KLB: variants seen among roughly 807,000 people sequenced by gnomAD.
KLB encodes klotho beta, also known as beta-klotho.
A neutral mutation model predicts 88.4 loss-of-function variants in KLB; 44 were observed. That is an observed-to-expected ratio of 0.50 (90% CI 0.39 to 0.64). The LOEUF (loss-of-function observed/expected upper bound fraction) is 0.64. KLB is among the 30% of genes least tolerant of loss of function. The pLI is 0.00. For synonymous variants in KLB, 548 were observed against 513.4 expected, an observed-to-expected ratio of 1.07 and a Z score of -0.91; for missense variants, 1,137 against 1,304.8, an observed-to-expected ratio of 0.87 and a Z score of 1.98.
intron 1 of KLB, among the ~76,000 whole-genome samples, chr4:39,425,519 C>A: frequency 6.6e-6 from 1 of 152,190 alleles, no homozygotes; most frequent in East Asian, 1.9e-4. Flanking sequence ...CAGCTCACTA[C>A]AGCCTTGACC....
Position 39,448,747 on chromosome 4 carries a change from T to C in KLB, c.*61T>C, listed in dbSNP as rs1743821408. 2.8e-6 allele frequency: 4 copies of C among 1,454,074 alleles called. No individual in the cohort carries two copies. The highest frequency in any genetic ancestry group is 3.7e-6 in the Non-Finnish European group (4 of 1,074,024). 90.1% of individuals were successfully genotyped at this position (1,454,074 alleles called of 1,614,324 possible). On this transcript the variant is annotated 3_prime_UTR_variant, in exon 5 of 5. Coordinates refer to ENST00000257408, the MANE Select transcript of KLB (RefSeq NM_175737.4). ...CATCCCAGTTCCATATGCTGGTAAC[T>C]TACAGGAGATATACCTGTATTATAG...
At chr4:39,426,018 C>A (rs1416554640) in intron 1 of KLB, among the ~76,000 whole-genome samples, 1 of 150,410 alleles carries the variant, frequency 6.6e-6, no homozygotes, top group South Asian at 2.1e-4. Flanking sequence ...TTTGGGAGGC[C>A]GAGGCGGGCG....
chr4:39,424,281 G>C (rs1447180748), intron 1 of KLB, among the ~76,000 whole-genome samples: 1 of 151,784 alleles, frequency 6.6e-6, no homozygotes, highest in Non-Finnish European at 1.5e-5. Context: ...ATGTTGGCCA[G>C]GCCGGTCTCG....
chr4:39,409,481 G>T (rs1252949373), intron 1 of KLB, among the ~76,000 whole-genome samples: 1 of 150,432 alleles, frequency 6.6e-6, no homozygotes, highest in Non-Finnish European at 1.5e-5. Context: ...TAGTAGAGAG[G>T]GGTTTCACTA....
At chr4:39,430,322 C>T (rs919000910) in intron 1 of KLB, among the ~76,000 whole-genome samples, 3 of 148,402 alleles carry the variant, frequency 2.0e-5, no homozygotes, top group African/African-American at 7.4e-5. Context: ...TCTAAGGCTA[C>T]CAAGGGATTA....
chr4:39,436,211 C>A (rs1003387249), intron 2 of KLB, among the ~76,000 whole-genome samples: 1 of 152,196 alleles, frequency 6.6e-6, no homozygotes, highest in Admixed American at 6.5e-5. Context: ...AATTCTGTTG[C>A]TCTCTTTAGA....
intron 3 of KLB, among the ~76,000 whole-genome samples, chr4:39,444,727 CA>C (rs1421388438): frequency 6.6e-6 from 1 of 152,168 alleles, no homozygotes; most frequent in Non-Finnish European, 1.5e-5. Context: ...TCTGAGTTTT[CA>C]AAACATTAAA....
At chr4:39,408,136 A>T (rs1742768688) in intron 1 of KLB, among the ~76,000 whole-genome samples, 1 of 152,218 alleles carries the variant, frequency 6.6e-6, no homozygotes, top group African/African-American at 2.4e-5. Flanking sequence ...AATTATCTTA[A>T]GGCACAACCA....
Position 39,434,634 on chromosome 4 carries a change from A to G in KLB, c.1250A>G (p.Asn417Ser). The G allele has an allele frequency of 6.2e-7, 1 of 1,614,104 alleles. No individual in the cohort carries two copies. The highest frequency in any genetic ancestry group is 8.5e-7 in the Non-Finnish European group (1 of 1,179,950). Residue 417 changes from asparagine to serine, a missense_variant, in exon 2 of 5, where the codon AAT becomes AGT. Coordinates refer to ENST00000257408, the MANE Select transcript of KLB (RefSeq NM_175737.4). ...AACCCTCGAATCTTGATTGCTGAGA[A>G]TGGCTGGTTCACAGACAGTCGTGTG... Reference protein sequence around the residue: ...YNNPRILIAENGWFTDSRVKT... With the variant: ...YNNPRILIAESGWFTDSRVKT...
chr4:39,443,870 T>C (rs1204670898), intron 3 of KLB, among the ~76,000 whole-genome samples: 1 of 151,308 alleles, frequency 6.6e-6, no homozygotes, highest in Non-Finnish European at 1.5e-5. Context: ...CATTCTTTCA[T>C]GAACCGGGCC....
intron 1 of KLB, among the ~76,000 whole-genome samples, chr4:39,418,020 T>C (rs1743001082): frequency 6.6e-6 from 1 of 152,248 alleles, no homozygotes; most frequent in Admixed American, 6.5e-5. Context: ...TCACTTGTTT[T>C]GATACTGTCT....
intron 1 of KLB, among the ~76,000 whole-genome samples, chr4:39,431,354 C>G (rs1244239109): frequency 6.6e-6 from 1 of 152,144 alleles, no homozygotes. Flanking sequence ...TGGGTTCAAG[C>G]GATTCTCCTG....
In KLB at chr4:39,434,311, G is replaced by A. The variant is rs770717012; in HGVS notation, c.927G>A (p.Arg309=). 1 of 1,614,228 alleles carries A rather than the reference G, an allele frequency of 6.2e-7. No individual in the cohort carries two copies. The highest frequency in any genetic ancestry group is 8.5e-7 in the Non-Finnish European group (1 of 1,180,042). The change falls in exon 2 of 5, where the codon CGG becomes CGA. Residue 309 remains arginine, a synonymous_variant. Coordinates refer to ENST00000257408, the MANE Select transcript of KLB (RefSeq NM_175737.4). ...TLGSHWIEPN[R]SENTMDIFKC... is the part of the protein sequence containing the mutation. The stretch of plus-strand genomic sequence containing the variant: ...GATCTCATTGGATCGAGCCAAACCG[G>A]TCGGAAAACACGATGGATATATTCA...
In KLB at chr4:39,446,125, A is replaced by C. The variant is rs924099905; in HGVS notation, c.1606-207A>C. Among the ~76,000 whole-genome samples, 3 of 152,148 alleles carry C rather than the reference A, an allele frequency of 2.0e-5. No homozygotes were observed. Among genetic ancestry groups the C allele is most frequent in the Non-Finnish European group, 2.9e-5 (2 of 68,016 alleles). ...AAATGAACTGGAAAATGGCTTCCCA[A>C]TGTTTTCTCAAACAACTTGTTTTCC... is the stretch of plus-strand genomic sequence containing the variant. On this transcript the variant is annotated intron_variant, in intron 3 of 4. Transcript: ENST00000257408. The surrounding 1 kb of genome is among the most constrained non-coding windows in gnomAD (Gnocchi z 6.4).
intron 1 of KLB, among the ~76,000 whole-genome samples, chr4:39,421,041 A>G (rs1037140171): frequency 6.6e-6 from 1 of 152,200 alleles, no homozygotes; most frequent in Non-Finnish European, 1.5e-5. Context: ...GTATTATTAC[A>G]TTTAGTTTCA....
At chr4:39,424,792 C>T (rs1324639110) in intron 1 of KLB, among the ~76,000 whole-genome samples, 1 of 151,994 alleles carries the variant, frequency 6.6e-6, no homozygotes, top group Non-Finnish European at 1.5e-5. Flanking sequence ...CCACGCCTGG[C>T]TAATTTTTGT....
At chr4:39,437,628 G>T (rs562522756) in intron 2 of KLB, 99 bp from the exon 3 acceptor site, 1 of 1,381,472 alleles carries the variant, frequency 7.2e-7, no homozygotes, top group Non-Finnish European at 9.8e-7. Flanking sequence ...GCAAAGGTTC[G>T]TTTTACAATA....
chr4:39,428,428 C>CA (rs35029761), intron 1 of KLB, among the ~76,000 whole-genome samples: 2,204 of 136,230 alleles, frequency 0.016, 44 homozygotes, highest in East Asian at 0.099. Flanking sequence ...AACTACGTCT[C>CA]AAAAAAAAAA....
chr4:39,449,896 G>GC lies in KLB; in HGVS notation c.*1212dup, dbSNP rs1464379399. The GC allele has an allele frequency of 1.3e-5, 2 of 152,098 alleles. No individual in the cohort carries two copies. The highest frequency in any genetic ancestry group is 2.9e-5 in the Non-Finnish European group (2 of 68,060). 9.4% of individuals were successfully genotyped at this position (152,098 alleles called of 1,614,324 possible). A position where few individuals can be genotyped will look rare whatever the true frequency, so the allele number is the denominator to read the frequency against. ...GCCAAGATCGTGCCATTGCACTCCA[G>GC]CCTGGGGGACAGGGCAAGACTGTCT... On this transcript the variant is annotated 3_prime_UTR_variant, in exon 5 of 5. Coordinates refer to ENST00000257408, the MANE Select transcript of KLB (RefSeq NM_175737.4).
Sources: allele counts gnomAD v4.1 joint callset (sites outside exome capture counted in the v4.1 genomes callset), GRCh38; gene constraint gnomAD v4.1.1; non-coding constraint Gnocchi (gnomAD v3.1); transcripts MANE v1.5; gene names NCBI Gene and HGNC (gene_info 2026-07-23, HGNC 2026-07-21).